The following CSNK1G1 variants were observed in gnomAD, a reference collection of about 807,000 sequenced individuals.
CSNK1G1 encodes casein kinase I isoform gamma-1.
In CSNK1G1, 22 loss-of-function variants were observed where a neutral mutation model predicts 59.6. The observed-to-expected ratio is 0.37, with a 90% confidence interval of 0.26 to 0.53. CSNK1G1 has a LOEUF of 0.53. Among genes scored for constraint, CSNK1G1 ranks in the 20% least tolerant of loss-of-function variants. The pLI is 0.89. For missense variants in CSNK1G1, 384 were observed against 519.5 expected, an observed-to-expected ratio of 0.74 and a Z score of 2.54; for synonymous variants, 179 against 177.1, an observed-to-expected ratio of 1.01 and a Z score of -0.08.
intron 2 of CSNK1G1, among the ~76,000 whole-genome samples, chr15:64,271,256 G>C (rs1214882475): frequency 6.6e-6 from 1 of 151,896 alleles, no homozygotes; most frequent in Non-Finnish European, 1.5e-5. Flanking sequence ...CCAAAGTGCT[G>C]GGATTACAGG....
At chr15:64,250,743 C>T (rs926813522) in intron 4 of CSNK1G1, among the ~76,000 whole-genome samples, 1 of 150,388 alleles carries the variant, frequency 6.6e-6, no homozygotes, top group Non-Finnish European at 1.5e-5. Context: ...GAGACCCTGT[C>T]TCCAAAACAA....
chr15:64,310,315 T>C (rs1195668234), intron 1 of CSNK1G1, among the ~76,000 whole-genome samples: 3 of 151,916 alleles, frequency 2.0e-5, no homozygotes, highest in Non-Finnish European at 2.9e-5. Context: ...CAATATCAAT[T>C]TACTTCCCTC....
At chr15:64,352,647 G>A (rs1322127784) in intron 1 of CSNK1G1, among the ~76,000 whole-genome samples, 1 of 150,512 alleles carries the variant, frequency 6.6e-6, no homozygotes, top group East Asian at 2.1e-4. Context: ...GTTTCTCCAT[G>A]TTGCTCAGGC....
chr15:64,348,576 T>C (rs866420581), intron 1 of CSNK1G1, among the ~76,000 whole-genome samples: 24 of 152,132 alleles, frequency 1.6e-4, no homozygotes, highest in African/African-American at 5.8e-4. Flanking sequence ...GCAAACAAAA[T>C]TAAGAGATTT....
intron 6 of CSNK1G1, among the ~76,000 whole-genome samples, chr15:64,212,109 C>T (rs946152669): frequency 1.3e-5 from 2 of 152,180 alleles, no homozygotes; most frequent in Non-Finnish European, 2.9e-5. Context: ...CTCAAAATAT[C>T]CCTGTGAAGC....
At chr15:64,233,306 T>C (rs749952131) in intron 4 of CSNK1G1, among the ~76,000 whole-genome samples, 6 of 152,226 alleles carry the variant, frequency 3.9e-5, no homozygotes, top group Non-Finnish European at 5.9e-5. Flanking sequence ...ATGTGTAAAA[T>C]AGAAATGTTT....
At chr15:64,252,007 T>C (rs917946126) in intron 3 of CSNK1G1, among the ~76,000 whole-genome samples, 1 of 152,042 alleles carries the variant, frequency 6.6e-6, no homozygotes. Flanking sequence ...AATTCAAATA[T>C]ACAAAAATTA....
At chr15:64,304,145 T>C (rs1895529901) in intron 1 of CSNK1G1, among the ~76,000 whole-genome samples, 1 of 151,948 alleles carries the variant, frequency 6.6e-6, no homozygotes, top group Non-Finnish European at 1.5e-5. Flanking sequence ...CCCAGTACTT[T>C]GGGAGGCCGA....
At chr15:64,326,033 A>C (rs1298848790) in intron 1 of CSNK1G1, among the ~76,000 whole-genome samples, 2 of 152,188 alleles carry the variant, frequency 1.3e-5, no homozygotes, top group Admixed American at 1.3e-4. Context: ...TACAAAAAGA[A>C]ATAGTTTTGG....
chr15:64,313,421 TA>T (rs527242277), intron 1 of CSNK1G1, among the ~76,000 whole-genome samples: 6 of 152,036 alleles, frequency 3.9e-5, no homozygotes, highest in Non-Finnish European at 5.9e-5. Context: ...TATGCAGCCA[TA>T]AAAAAAGATG....
chr15:64,205,149 ATT>A (rs2082159925), intron 7 of CSNK1G1, among the ~76,000 whole-genome samples, 200 bp from the exon 8 acceptor site: 1 of 152,186 alleles, frequency 6.6e-6, no homozygotes, highest in African/African-American at 2.4e-5. Flanking sequence ...GTTCTGGAAA[ATT>A]TTACTTGTGA....
At chr15:64,182,704 AAC>A (rs138815917) in intron 10 of CSNK1G1, among the ~76,000 whole-genome samples, 2 of 152,114 alleles carry the variant, frequency 1.3e-5, no homozygotes, top group Non-Finnish European at 2.9e-5. Flanking sequence ...TTAGCAAGCA[AAC>A]ACACACACAC....
At chr15:64,199,845 T>C (rs1227601902) in intron 10 of CSNK1G1, among the ~76,000 whole-genome samples, 6 of 151,886 alleles carry the variant, frequency 4.0e-5, no homozygotes, top group Non-Finnish European at 7.4e-5. Flanking sequence ...AGAGCAAGAC[T>C]CCATCTCAAA....
At chr15:64,322,762 G>C (rs1471583272) in intron 1 of CSNK1G1, among the ~76,000 whole-genome samples, 1 of 152,134 alleles carries the variant, frequency 6.6e-6, no homozygotes, top group African/African-American at 2.4e-5. Context: ...AAGTCCAGGA[G>C]GCAGAGCCTG....
chr15:64,267,271 A>AAAAAG lies in CSNK1G1; in HGVS notation c.182-8035_182-8031dup, dbSNP rs1205936837. Among the ~76,000 whole-genome samples, 10 of 151,148 alleles carry AAAAAG rather than the reference A, an allele frequency of 6.6e-5. No homozygotes were observed. In the South Asian group the frequency reaches 8.3e-4, roughly 13 times the overall value. On this transcript the variant is annotated intron_variant, in intron 2 of 11. Transcript: ENST00000303052. ...GACCTTATCTCAAAAAAAAAAAAAA[A>AAAAAG]AAAAGAAAAGAAAAGAAAAAGAAAA...
chr15:64,214,874 G>C lies in CSNK1G1; in HGVS notation c.445-750C>G, dbSNP rs371591570. On this transcript the variant is annotated intron_variant, in intron 5 of 11. Coordinates refer to ENST00000303052, the MANE Select transcript of CSNK1G1 (RefSeq NM_022048.5). The surrounding 1 kb of genome is among the most constrained non-coding windows in gnomAD (Gnocchi z 4.3). ...CACTGGTCTCAAACTCCTGACCTTGGGTGATCCGTCCTCCTCGGCCTCCCA... is the reference window on the plus strand; with the variant it reads ...CACTGGTCTCAAACTCCTGACCTTGCGTGATCCGTCCTCCTCGGCCTCCCA... 6.6e-6 allele frequency among the ~76,000 whole-genome samples: 1 copy of C among 151,410 alleles called. No homozygotes were observed. The highest frequency in any genetic ancestry group is 2.4e-5 in the African/African-American group (1 of 41,166).
intron 4 of CSNK1G1, among the ~76,000 whole-genome samples, chr15:64,227,473 CAAAT>C (rs532521872): frequency 3.6e-4 from 55 of 152,268 alleles, no homozygotes; most frequent in African/African-American, 1.3e-3. Flanking sequence ...TACACACAAA[CAAAT>C]GTCTTCTCCT....
chr15:64,247,022 C>T (rs553527683), intron 4 of CSNK1G1, among the ~76,000 whole-genome samples: 1 of 152,160 alleles, frequency 6.6e-6, no homozygotes, highest in East Asian at 1.9e-4. Context: ...CATTCTCATA[C>T]TGTCACTCTT....
chr15:64,184,480 C>T (rs1240712827), intron 10 of CSNK1G1, among the ~76,000 whole-genome samples: 1 of 151,722 alleles, frequency 6.6e-6, no homozygotes, highest in Non-Finnish European at 1.5e-5. Flanking sequence ...AGTTCGAGAC[C>T]AGCCTGGACA....
Sources: gnomAD v4.1 joint callset for allele counts (sites outside exome capture counted in the v4.1 genomes callset) on GRCh38, gnomAD v4.1.1 for gene constraint, Gnocchi (gnomAD v3.1) non-coding constraint, MANE v1.5 for transcripts, NCBI Gene and HGNC (gene_info 2026-07-23, HGNC 2026-07-21) for gene names.